Variants in L3MBTL1 observed in about 807,000 individuals in gnomAD.
The protein encoded by L3MBTL1 is lethal(3)malignant brain tumor-like protein 1.
Under a neutral mutation model 105.3 loss-of-function variants are expected in L3MBTL1, and 75 were observed. The observed-to-expected ratio is 0.71, with a 90% CI of 0.59 to 0.86. The LOEUF (loss-of-function observed/expected upper bound fraction) is 0.86, where lower values mean the gene tolerates loss of function less well. L3MBTL1 is among the 40% of genes least tolerant of loss of function. L3MBTL1 has a pLI of 0.00. For synonymous variants in L3MBTL1, 452 were observed against 436.2 expected (o/e 1.04, Z -0.45); for missense variants, 1,069 against 1,126.4 (o/e 0.95, Z 0.73).
At position 43,530,159 on chromosome 20, in the gene L3MBTL1, TG is replaced by T. The variant is rs2019252487; in HGVS notation, c.1057-121del. 4 of 1,136,848 alleles carry T rather than the reference TG, an allele frequency of 3.5e-6. No individual in the cohort carries two copies. In the Admixed American group the frequency reaches 8.2e-5, roughly 23 times the overall value. 70.4% of individuals were successfully genotyped at this position (1,136,848 alleles called of 1,614,324 possible). Reference sequence around the variant, plus strand: ...GGGTACAATTGGGAGGAAAGAAAGGTGGGGTTGGGGAACCTGCTAGCATTAG... The same window carrying T: ...GGGTACAATTGGGAGGAAAGAAAGGTGGGTTGGGGAACCTGCTAGCATTAG... On this transcript the variant is annotated intron_variant, in intron 9 of 21. Coordinates refer to ENST00000418998, the MANE Select transcript of L3MBTL1 (RefSeq NM_001377303.1).
At chr20:43,522,827 G>A (rs2018804837) in intron 7 of L3MBTL1, among the ~76,000 whole-genome samples, 1 of 147,984 alleles carries the variant, frequency 6.8e-6, no homozygotes, top group African/African-American at 2.5e-5. Context: ...AGATGGCCGG[G>A]CATGGTAGCT....
chr20:43,515,435 G>A lies in L3MBTL1; in HGVS notation c.777+20G>A. ...GCCATGGTAGGAAGAGGGCAGTGGG[G>A]AAGGGAGGGGGAAGCTATAGCCTAT... On this transcript the variant is annotated intron_variant, in intron 6 of 21. Coordinates refer to ENST00000418998, the MANE Select transcript of L3MBTL1 (RefSeq NM_001377303.1). The A allele has an allele frequency of 6.5e-7, 1 of 1,549,948 alleles. No individual in the cohort carries two copies. The highest frequency in any genetic ancestry group is 8.7e-7 in the Non-Finnish European group (1 of 1,144,876).
At chr20:43,525,904 AATGG>A (rs1368866235) in intron 7 of L3MBTL1, among the ~76,000 whole-genome samples, 1 of 152,172 alleles carries the variant, frequency 6.6e-6, no homozygotes, top group African/African-American at 2.4e-5. Flanking sequence ...TGGTAAAAGG[AATGG>A]TGAAGGTCAA....
At chr20:43,518,190 A>G (rs2018505391) in intron 7 of L3MBTL1, among the ~76,000 whole-genome samples, 1 of 150,294 alleles carries the variant, frequency 6.7e-6, no homozygotes. Context: ...AAGAAACTGT[A>G]TCAGTAGACA....
At chr20:43,525,832 T>C (rs1009082298) in intron 7 of L3MBTL1, among the ~76,000 whole-genome samples, 21 of 152,164 alleles carry the variant, frequency 1.4e-4, no homozygotes, top group Non-Finnish European at 2.5e-4. Flanking sequence ...ATGAAGTCTT[T>C]CCGGCATCTC....
At chr20:43,510,481 C>T (rs1313990591) in intron 1 of L3MBTL1, among the ~76,000 whole-genome samples, 2 of 146,140 alleles carry the variant, frequency 1.4e-5, no homozygotes, top group African/African-American at 5.0e-5. Flanking sequence ...CTTGGCTTAC[C>T]GCAACCTCCA....
At chr20:43,540,732 A>G (rs1351654029) in intron 20 of L3MBTL1, 21 bp from the exon 21 acceptor site, 4 of 1,613,512 alleles carry the variant, frequency 2.5e-6, no homozygotes, top group Non-Finnish European at 2.5e-6. Flanking sequence ...CCTGGTCAAC[A>G]TGTCATCTTT....
In L3MBTL1 at chr20:43,540,198, T is replaced by G; in HGVS notation, c.2221T>G (p.Ser741Ala). Reference protein sequence around the residue: ...VHQSLFMSALSAHPDRSLSVC... With the variant: ...VHQSLFMSALAAHPDRSLSVC... ...CCAGTCCCTCTTCATGTCAGCCCTG[T>G]CGGCCCACCCTGACCGCTCACTCTC... The change falls in exon 20 of 22, where the codon TCG (serine) becomes GCG (alanine). Residue 741 changes from serine to alanine, a missense_variant. Ser to Ala is a moderately conservative substitution (Grantham distance 99). Coordinates refer to ENST00000418998, the MANE Select transcript of L3MBTL1 (RefSeq NM_001377303.1). The G allele has an allele frequency of 6.2e-7, 1 of 1,613,530 alleles. No homozygotes were observed. Among genetic ancestry groups the G allele is most frequent in the Non-Finnish European group, 8.5e-7 (1 of 1,180,024 alleles).
intron 7 of L3MBTL1, among the ~76,000 whole-genome samples, chr20:43,524,793 C>T (rs1168280267): frequency 1.3e-5 from 2 of 152,004 alleles, no homozygotes; most frequent in Non-Finnish European, 2.9e-5. Context: ...TATGCAAAGG[C>T]ACAGAGGCTC....
chr20:43,517,984 A>G (rs1357040428), intron 7 of L3MBTL1, among the ~76,000 whole-genome samples: 1 of 152,216 alleles, frequency 6.6e-6, no homozygotes, highest in Non-Finnish European at 1.5e-5. Context: ...TGCAGAGGAA[A>G]GAAGCAGTGT....
At chr20:43,521,706 T>A (rs927282782) in intron 7 of L3MBTL1, among the ~76,000 whole-genome samples, 1 of 152,160 alleles carries the variant, frequency 6.6e-6, no homozygotes, top group Admixed American at 6.5e-5. Flanking sequence ...ATACCCCCTT[T>A]TAATTATTTT....
At chr20:43,546,304 A>G (rs1978594546), downstream of L3MBTL1, among the ~76,000 whole-genome samples, 1 of 152,178 alleles carries the variant, frequency 6.6e-6, no homozygotes, top group African/African-American at 2.4e-5. Context: ...CTTGGGCAGC[A>G]TTGCCCCCTG....
chr20:43,516,084 C>A lies in L3MBTL1; in HGVS notation c.778-9C>A. ...GAGAAGAAGCTGGGATCAGGCTTGCCTTCTACAGGAGAAGCAAGAAGAAGG... is the reference window on the plus strand; with the variant it reads ...GAGAAGAAGCTGGGATCAGGCTTGCATTCTACAGGAGAAGCAAGAAGAAGG... On this transcript the variant is annotated splice_polypyrimidine_tract_variant and intron_variant, in intron 6 of 21. Coordinates refer to ENST00000418998, the MANE Select transcript of L3MBTL1 (RefSeq NM_001377303.1). 6.2e-7 allele frequency: 1 copy of A among 1,610,376 alleles called. No homozygotes were observed. The highest frequency in any genetic ancestry group is 1.1e-5 in the South Asian group (1 of 90,986).
At chr20:43,522,490 G>A (rs1437702083) in intron 7 of L3MBTL1, among the ~76,000 whole-genome samples, 1 of 38,794 alleles carries the variant, frequency 2.6e-5, no homozygotes, top group East Asian at 1.4e-3. Context: ...TTTTTTTTTG[G>A]AGACAGGATC....
chr20:43,548,194 G>T, exon 19 of L3MBTL1: 1 of 1,304,420 alleles, frequency 7.7e-7, no homozygotes, highest in Non-Finnish European at 1.0e-6. Flanking sequence ...CAGCCTTGAA[G>T]ATCTATAACG....
chr20:43,528,487 C>G (rs1317268954), intron 7 of L3MBTL1, among the ~76,000 whole-genome samples, 170 bp from the exon 8 acceptor site: 1 of 152,176 alleles, frequency 6.6e-6, no homozygotes, highest in East Asian at 1.9e-4. Flanking sequence ...GACTGAGCCT[C>G]CCCTCAGCCC....
chr20:43,517,089 G>A (rs1356358517), intron 7 of L3MBTL1, among the ~76,000 whole-genome samples: 1 of 150,196 alleles, frequency 6.7e-6, no homozygotes, highest in East Asian at 2.0e-4. Flanking sequence ...GAGGTACCAC[G>A]CCTGGTCGTC....
chr20:43,514,711 G>A lies in L3MBTL1; in HGVS notation c.437G>A (p.Gly146Asp). The change falls in exon 4 of 22, where the codon GGC (glycine) becomes GAC (aspartate). Residue 146 changes from glycine to aspartate, a missense_variant. Gly to Asp is a moderately conservative substitution (Grantham distance 94). Transcript: ENST00000418998. ...CCGAGCCCCGAGCTGCGGCAGGAAG[G>A]CGTGACCGAATACGAAGATGGCGGG... ...QPPSPELRQE[G>D]VTEYEDGGAP... 6.3e-7 allele frequency: 1 copy of A among 1,581,968 alleles called. No homozygotes were observed. The highest frequency in any genetic ancestry group is 8.6e-7 in the Non-Finnish European group (1 of 1,164,340).
chr20:43,516,044 A>T (rs763930454), intron 6 of L3MBTL1, 49 bp from the exon 7 acceptor site: 22 of 1,441,624 alleles, frequency 1.5e-5, no homozygotes, highest in Non-Finnish European at 2.1e-5. Context: ...CTAGGGCTTC[A>T]TCCCAAACCA....
Sources: allele counts gnomAD v4.1 joint callset (sites outside exome capture counted in the v4.1 genomes callset), GRCh38; gene constraint gnomAD v4.1.1; transcripts MANE v1.5; gene names NCBI Gene and HGNC (gene_info 2026-07-23, HGNC 2026-07-21).